The following ADCY2 variants were observed in gnomAD, a reference collection of about 807,000 sequenced individuals.
ADCY2 encodes the protein adenylate cyclase 2.
A neutral mutation model predicts 125.2 loss-of-function variants in ADCY2; 31 were observed. The ratio of observed to expected loss-of-function variants is 0.25; its 90% CI spans 0.19 to 0.33. ADCY2 has a LOEUF of 0.33. ADCY2 is among the 10% of genes least tolerant of loss of function. ADCY2 has a pLI of 1.00. For synonymous variants in ADCY2, 512 were observed against 548.4 expected, an observed-to-expected ratio of 0.93 and a Z score of 0.93; for missense variants, 904 against 1,418.2, an observed-to-expected ratio of 0.64 and a Z score of 5.82.
At chr5:7,822,022 A>C (rs1163034413) in intron 24 of ADCY2, among the ~76,000 whole-genome samples, 3 of 152,200 alleles carry the variant, frequency 2.0e-5, no homozygotes, top group African/African-American at 4.8e-5. Flanking sequence ...AACGGAGAAA[A>C]GTGAAGAAGG....
chr5:7,704,203 G>A (rs76700334), intron 7 of ADCY2, among the ~76,000 whole-genome samples: 13 of 151,980 alleles, frequency 8.6e-5, no homozygotes, highest in Non-Finnish European at 1.9e-4. Context: ...CTGGTGAGGG[G>A]AACGTGCACA....
At chr5:7,484,727 ACCAG>A (rs1484914916) in intron 2 of ADCY2, among the ~76,000 whole-genome samples, 1 of 152,092 alleles carries the variant, frequency 6.6e-6, no homozygotes, top group African/African-American at 2.4e-5. Flanking sequence ...TCTCTTGGGT[ACCAG>A]TTTTCAGGTA....
rs1287695755 is a variant in ADCY2, at chr5:7,529,075, G to C, written c.570+8176G>C. ...CAAGAGCACTGCTCCGGTTCTAAGA[G>C]ATTCTCTTTAAAGAGTAAGGAGAAA... On this transcript the variant is annotated intron_variant, in intron 3 of 24. Coordinates refer to ENST00000338316, the MANE Select transcript of ADCY2 (RefSeq NM_020546.3). Among the ~76,000 whole-genome samples, 3 of 152,320 alleles carry C rather than the reference G, an allele frequency of 2.0e-5. No individual in the cohort carries two copies. The East Asian group carries it at 5.8e-4, about 29-fold the overall frequency.
At chr5:7,572,671 A>G (rs1462967372) in intron 3 of ADCY2, among the ~76,000 whole-genome samples, 4 of 152,092 alleles carry the variant, frequency 2.6e-5, no homozygotes, top group Admixed American at 6.6e-5. Flanking sequence ...CTTTCGTTGC[A>G]ATTACTTTTG....
intron 12 of ADCY2, among the ~76,000 whole-genome samples, chr5:7,717,980 C>G (rs1435288567): frequency 6.6e-6 from 1 of 151,976 alleles, no homozygotes; most frequent in African/African-American, 2.4e-5. Context: ...AAATGAAAAG[C>G]CTTCACAGAA....
intron 2 of ADCY2, among the ~76,000 whole-genome samples, chr5:7,506,102 G>A (rs529940280): frequency 6.6e-6 from 1 of 151,490 alleles, no homozygotes; most frequent in African/African-American, 2.4e-5. Flanking sequence ...TTTCCAAATT[G>A]TTTCATGCAT....
chr5:7,416,690 T>C (rs1456773787), intron 2 of ADCY2, among the ~76,000 whole-genome samples: 4 of 152,160 alleles, frequency 2.6e-5, no homozygotes, highest in Non-Finnish European at 5.9e-5. Context: ...TGCATCAACA[T>C]TGACCAATTA....
At chr5:7,552,109 G>A (rs973079563) in intron 3 of ADCY2, among the ~76,000 whole-genome samples, 4 of 152,086 alleles carry the variant, frequency 2.6e-5, no homozygotes. Context: ...TAGACCTATC[G>A]ATTGGAAAGA....
At chr5:7,507,390 G>A (rs1341938799) in intron 2 of ADCY2, among the ~76,000 whole-genome samples, 1 of 121,438 alleles carries the variant, frequency 8.2e-6, no homozygotes, top group Non-Finnish European at 1.7e-5. Context: ...GCAGTGAGCC[G>A]AGATCATACC....
At chr5:7,516,048 A>G (rs571644265) in intron 2 of ADCY2, among the ~76,000 whole-genome samples, 1 of 152,124 alleles carries the variant, frequency 6.6e-6, no homozygotes, top group Non-Finnish European at 1.5e-5. Context: ...GTAGAATGCT[A>G]TCTGGATTAG....
chr5:7,573,593 C>CTTTTTTTTG (rs1736134989), intron 3 of ADCY2, among the ~76,000 whole-genome samples: 1 of 86,376 alleles, frequency 1.2e-5, no homozygotes, highest in Non-Finnish European at 2.4e-5. Flanking sequence ...GGTTGATTTT[C>CTTTTTTTTG]TTTTTTTTTT....
chr5:7,538,828 TA>T (rs1261544270), intron 3 of ADCY2, among the ~76,000 whole-genome samples: 5 of 150,896 alleles, frequency 3.3e-5, no homozygotes, highest in African/African-American at 9.7e-5. Context: ...TTTTTGAATA[TA>T]AATTTCTTTT....
chr5:7,804,069 A>AGAGAGAGAGAGAGAGAGAGC (rs1553990875), intron 21 of ADCY2, among the ~76,000 whole-genome samples: 47 of 140,490 alleles, frequency 3.3e-4, no homozygotes, highest in African/African-American at 4.0e-4. Context: ...AGAGAGAGAG[A>AGAGAGAGAGAGAGAGAGAGC]GAGAGCTGGT....
intron 3 of ADCY2, among the ~76,000 whole-genome samples, chr5:7,549,629 C>T (rs1446136117): frequency 6.6e-6 from 1 of 152,208 alleles, no homozygotes; most frequent in Non-Finnish European, 1.5e-5. Flanking sequence ...AGTTCTCTCC[C>T]TGTGATTATG....
chr5:7,668,363 C>T (rs750376875), intron 4 of ADCY2, among the ~76,000 whole-genome samples: 3 of 152,166 alleles, frequency 2.0e-5, no homozygotes, highest in Non-Finnish European at 2.9e-5. Context: ...GCTCATCTGC[C>T]CTGTGGAATC....
intron 2 of ADCY2, among the ~76,000 whole-genome samples, chr5:7,516,930 GA>G (rs1484020371): frequency 1.3e-5 from 2 of 152,142 alleles, no homozygotes; most frequent in African/African-American, 4.8e-5. Flanking sequence ...CCCTGTTTTT[GA>G]GTGTGGCTGT....
chr5:7,509,698 T>G (rs545671243), intron 2 of ADCY2, among the ~76,000 whole-genome samples: 2 of 152,232 alleles, frequency 1.3e-5, no homozygotes, highest in Non-Finnish European at 2.9e-5. Flanking sequence ...TGTATTCTTT[T>G]GCTTAATAAT....
At chr5:7,554,693 G>C (rs1487465248) in intron 3 of ADCY2, among the ~76,000 whole-genome samples, 2 of 152,100 alleles carry the variant, frequency 1.3e-5, no homozygotes, top group Admixed American at 6.5e-5. Flanking sequence ...AGGGTCTTGG[G>C]TCAAATCTGC....
chr5:7,563,422 G>C (rs1221220665), intron 3 of ADCY2, among the ~76,000 whole-genome samples: 1 of 152,184 alleles, frequency 6.6e-6, no homozygotes, highest in Non-Finnish European at 1.5e-5. Flanking sequence ...AGCCTGGCAG[G>C]CTCTGGAGAC....
Sources: gnomAD v4.1 joint callset for allele counts (sites outside exome capture counted in the v4.1 genomes callset) on GRCh38, gnomAD v4.1.1 for gene constraint, MANE v1.5 for transcripts, NCBI Gene and HGNC (gene_info 2026-07-23, HGNC 2026-07-21) for gene names.